Variants in TOMM40 observed in about 807,000 individuals in gnomAD.
TOMM40 encodes translocase of outer mitochondrial membrane 40, also known as mitochondrial import receptor subunit TOM40 homolog.
In TOMM40, 9 loss-of-function variants were observed where a neutral mutation model predicts 38.4. The ratio of observed to expected loss-of-function variants is 0.23; its 90% CI spans 0.14 to 0.41. The LOEUF (loss-of-function observed/expected upper bound fraction) is 0.41. TOMM40 is among the 10% of genes least tolerant of loss of function. TOMM40 has a pLI of 1.00. For synonymous variants in TOMM40, 184 were observed against 210.0 expected, an observed-to-expected ratio of 0.88 and a Z score of 1.07; for missense variants, 299 against 486.5, an observed-to-expected ratio of 0.61 and a Z score of 3.63.
intron 7 of TOMM40, 31 bp from the exon 8 acceptor site, chr19:44,901,177 T>C (rs1280960531): frequency 3.7e-6 from 6 of 1,613,802 alleles, no homozygotes; most frequent in Non-Finnish European, 5.1e-6. Context: ...GGCCACTTGC[T>C]AATTCTCATG....
At chr19:44,898,057 C>T (rs530804370) in intron 5 of TOMM40, among the ~76,000 whole-genome samples, 39 of 152,230 alleles carry the variant, frequency 2.6e-4, no homozygotes, top group Admixed American at 6.5e-4. Context: ...TCTCAGCCTC[C>T]CCAGAAGATG....
chr19:44,899,144 A>C (rs1484361301), intron 5 of TOMM40, among the ~76,000 whole-genome samples: 2 of 151,328 alleles, frequency 1.3e-5, no homozygotes, highest in Non-Finnish European at 2.9e-5. Flanking sequence ...AAAAAAAAAA[A>C]AAAAAATTAA....
intron 5 of TOMM40, among the ~76,000 whole-genome samples, chr19:44,899,456 C>G (rs528503329): frequency 4.6e-5 from 7 of 152,210 alleles, no homozygotes; most frequent in African/African-American, 1.4e-4. Flanking sequence ...ACGTCCACCC[C>G]CTTAGTACCT....
rs1355699925 is a variant in TOMM40, at chr19:44,901,315, A to G, written c.946+5A>G. The G allele has an allele frequency of 6.2e-7, 1 of 1,613,234 alleles. No individual in the cohort carries two copies. Among genetic ancestry groups the G allele is most frequent in the Admixed American group, 1.7e-5 (1 of 59,872 alleles). ...AGGCCAACCTCCTCTTCAAAGGTAA[A>G]GGTCTCGGTTCCCCTACGCGGGAAA... On this transcript the variant is annotated splice_donor_5th_base_variant and intron_variant, in intron 8 of 8. Coordinates refer to ENST00000426677, the MANE Select transcript of TOMM40 (RefSeq NM_001128917.2).
At chr19:44,898,899 C>T (rs1191894112) in intron 5 of TOMM40, among the ~76,000 whole-genome samples, 2 of 151,340 alleles carry the variant, frequency 1.3e-5, no homozygotes, top group African/African-American at 2.4e-5. Flanking sequence ...AATCCCAGCA[C>T]TTTGGGAGGC....
chr19:44,898,456 G>A (rs953973010), intron 5 of TOMM40, among the ~76,000 whole-genome samples: 1 of 150,480 alleles, frequency 6.6e-6, no homozygotes, highest in Non-Finnish European at 1.5e-5. Context: ...TTTCTCAACT[G>A]TGAATCTTCA....
intron 3 of TOMM40, among the ~76,000 whole-genome samples, chr19:44,893,166 C>A (rs1480204007): frequency 6.6e-6 from 1 of 152,190 alleles, no homozygotes; most frequent in Non-Finnish European, 1.5e-5. Flanking sequence ...GTGGCCACAG[C>A]CACCCTGTCA....
chr19:44,893,607 TG>T (rs1222785862), intron 3 of TOMM40, among the ~76,000 whole-genome samples, 172 bp from the exon 4 acceptor site: 1 of 152,300 alleles, frequency 6.6e-6, no homozygotes, highest in East Asian at 1.9e-4. Context: ...AAGGCTGACA[TG>T]GGGGAACCCA....
chr19:44,899,066 G>T (rs1425908011), intron 5 of TOMM40, among the ~76,000 whole-genome samples: 2 of 149,780 alleles, frequency 1.3e-5, no homozygotes, highest in African/African-American at 4.9e-5. Context: ...CCGGGAGGTG[G>T]AGCTTGCAGT....
Position 44,901,433 on chromosome 19 carries a change from C to T in TOMM40, c.946+123C>T, listed in dbSNP as rs547625754. On this transcript the variant is annotated intron_variant, in intron 8 of 8. Transcript: ENST00000426677. ...GCCACCCTGTGGGCCTCCACATTAC[C>T]AGGGAACACTTGTTAAAAGGTAGGT... 29 of 1,500,578 alleles carry T rather than the reference C, an allele frequency of 1.9e-5. No individual in the cohort carries two copies. In the African/African-American group the frequency reaches 2.2e-4, roughly 12 times the overall value. The allele number at this position is 1,500,578 out of a possible 1,614,324, so 93.0% of individuals were successfully genotyped here.
chr19:44,897,426 A>AT (rs889707860), intron 5 of TOMM40, among the ~76,000 whole-genome samples: 40 of 149,812 alleles, frequency 2.7e-4, no homozygotes, highest in South Asian at 4.2e-4. Context: ...AATGGTAGTG[A>AT]TTTTTTTTTT....
rs771423901 is a variant in TOMM40 at position 44,893,971 on chromosome 19, C to T, written c.548C>T (p.Ser183Leu). The change falls in exon 5 of 9, where the codon TCG (serine) becomes TTG (leucine). Residue 183 changes from serine (S) to leucine (L), a missense_variant. Coordinates refer to ENST00000426677, the MANE Select transcript of TOMM40 (RefSeq NM_001128917.2). ...RSKMAIQTQQ[S>L]KFVNWQVDGE... is the part of the protein sequence containing the mutation. ...CCCTCCTCTCCACAGACCCAGCAGT[C>T]GAAGTTTGTGAACTGGCAGGTGGAC... 1.9e-6 allele frequency: 3 copies of T among 1,561,074 alleles called. No individual in the cohort carries two copies. The highest frequency in any genetic ancestry group is 2.6e-6 in the Non-Finnish European group (3 of 1,150,916).
At position 44,903,284 on chromosome 19, in the gene TOMM40, G is replaced by A. The variant is rs935454070; in HGVS notation, c.*115G>A. Reference sequence around the variant, plus strand: ...CCTTCCCTCCCCCCTTGGGGGTCGGGGGGGACATTGGAAAGGAGGGACCCC... The same window carrying A: ...CCTTCCCTCCCCCCTTGGGGGTCGGAGGGGACATTGGAAAGGAGGGACCCC... On this transcript the variant is annotated 3_prime_UTR_variant, in exon 9 of 9. Transcript: ENST00000426677. The A allele has an allele frequency of 8.5e-7, 1 of 1,174,250 alleles. No individual in the cohort carries two copies. The allele number at this position is 1,174,250 out of a possible 1,614,324, so 72.7% of individuals were successfully genotyped here.
chr19:44,894,624 G>A (rs1969532069), intron 5 of TOMM40, among the ~76,000 whole-genome samples: 1 of 152,074 alleles, frequency 6.6e-6, no homozygotes, highest in South Asian at 2.1e-4. Flanking sequence ...ATGGGGTCTT[G>A]CTGTATTGGC....
intron 5 of TOMM40, among the ~76,000 whole-genome samples, chr19:44,900,253 C>G (rs1969653844): frequency 6.6e-6 from 1 of 152,238 alleles, no homozygotes; most frequent in Non-Finnish European, 1.5e-5. Context: ...ATGATGCCAG[C>G]GTCCATGGTC....
At chr19:44,894,223 G>C (rs555450733) in intron 5 of TOMM40, among the ~76,000 whole-genome samples, 157 bp downstream of exon 5, 1 of 150,638 alleles carries the variant, frequency 6.6e-6, no homozygotes, top group African/African-American at 2.5e-5. Context: ...TGGGTGAGAC[G>C]GTCACCCACT....
At position 44,903,098 on chromosome 19, in the gene TOMM40, C is replaced by CT; in HGVS notation, c.1016dup (p.Ala340GlyfsTer50). The CT allele has an allele frequency of 6.2e-7, 1 of 1,612,758 alleles. No individual in the cohort carries two copies. Among genetic ancestry groups the CT allele is most frequent in the Non-Finnish European group, 8.5e-7 (1 of 1,180,004 alleles). On this transcript the variant is annotated frameshift_variant, in exon 9 of 9. Coordinates refer to ENST00000426677, the MANE Select transcript of TOMM40 (RefSeq NM_001128917.2). LOFTEE classifies it high-confidence loss of function. ...GAAGCTCCCACCCCTGCCCCTGACA[C>CT]TGGCCCTTGGGGCCTTCCTGAATCA...
chr19:44,893,547 C>T (rs916547555), intron 3 of TOMM40, among the ~76,000 whole-genome samples: 7 of 152,198 alleles, frequency 4.6e-5, no homozygotes, highest in Admixed American at 1.3e-4. Context: ...GGGACTCACC[C>T]GTGGGGCAGG....
chr19:44,892,779 C>T (rs1428282747), intron 2 of TOMM40, 58 bp from the exon 3 acceptor site: 8 of 1,436,302 alleles, frequency 5.6e-6, no homozygotes, highest in Non-Finnish European at 7.8e-6. Context: ...TGTCCTTGCC[C>T]TCTTCAGTGG....
Sources: allele counts gnomAD v4.1 joint callset (sites outside exome capture counted in the v4.1 genomes callset), GRCh38; gene constraint gnomAD v4.1.1; transcripts MANE v1.5; gene names NCBI Gene and HGNC (gene_info 2026-07-23, HGNC 2026-07-21).